Variants in BICC1 observed in about 807,000 individuals in gnomAD.
BICC1 encodes BicC family RNA binding protein 1.
In BICC1, 43 loss-of-function variants were observed where a neutral mutation model predicts 111.0. That is an observed-to-expected ratio of 0.39 (90% confidence interval 0.30 to 0.50). BICC1 has a LOEUF of 0.50. Ranked by LOEUF, BICC1 falls within the 20% of genes least tolerant of loss-of-function variation. The probability of loss-of-function intolerance (pLI) is 0.88; values close to 1 mark genes in which losing one functional copy is unlikely to be tolerated. For synonymous variants in BICC1, 467 were observed against 434.4 expected, an observed-to-expected ratio of 1.07 and a Z score of -0.93; for missense variants, 1,091 against 1,203.2, an observed-to-expected ratio of 0.91 and a Z score of 1.38.
intron 15 of BICC1, among the ~76,000 whole-genome samples, chr10:58,804,913 TG>T (rs1397000319): frequency 6.6e-6 from 1 of 152,246 alleles, no homozygotes; most frequent in Non-Finnish European, 1.5e-5. Flanking sequence ...TGATTGCTCT[TG>T]GAGTGCTATA....
rs191904160 is a variant in BICC1 at position 58,750,168 on chromosome 10, G to A, written c.308-34833G>A. 1.3e-4 allele frequency among the ~76,000 whole-genome samples: 20 copies of A among 152,240 alleles called. No individual in the cohort carries two copies. The East Asian group carries it at 2.7e-3, about 21-fold the overall frequency. On this transcript the variant is annotated intron_variant, in intron 3 of 20. Coordinates refer to ENST00000373886, the MANE Select transcript of BICC1 (RefSeq NM_001080512.3). ...GTCAATGTTCAGGGCATTGTGAATA[G>A]TTTATTGCTCACAGCAGGAGTAGAA...
At position 58,652,644 on chromosome 10, in the gene BICC1, C is replaced by G. The variant is rs557731890; in HGVS notation, c.237+31743C>G. Among the ~76,000 whole-genome samples, 9 of 151,972 alleles carry G rather than the reference C, an allele frequency of 5.9e-5. No homozygotes were observed. The South Asian group carries it at 1.7e-3, about 28-fold the overall frequency. On this transcript the variant is annotated intron_variant, in intron 2 of 20. Transcript: ENST00000373886. ...AATTATATAATGTCTTGTTGCCTTA[C>G]CTTGGAATTAATTTTCTTTTAATTT...
At chr10:58,658,989 A>AGT (rs1838752598) in intron 2 of BICC1, among the ~76,000 whole-genome samples, 1 of 4,084 alleles carries the variant, frequency 2.4e-4, no homozygotes, top group Non-Finnish European at 5.1e-3. Context: ...CATGTGTATG[A>AGT]ATGTGTGTAT....
At chr10:58,515,334 T>A (rs1842214143) in intron 1 of BICC1, among the ~76,000 whole-genome samples, 1 of 152,166 alleles carries the variant, frequency 6.6e-6, no homozygotes, top group South Asian at 2.1e-4. Flanking sequence ...TGTGCAAACA[T>A]CATGGAGTGT....
intron 3 of BICC1, among the ~76,000 whole-genome samples, chr10:58,734,350 GTTTTAAT>G (rs2132572486): frequency 6.6e-6 from 1 of 152,316 alleles, no homozygotes; most frequent in East Asian, 1.9e-4. Flanking sequence ...TTTTTGGCAT[GTTTTAAT>G]TGTGGTCTTT....
intron 3 of BICC1, among the ~76,000 whole-genome samples, chr10:58,769,398 GTGTGTGTA>G (rs1365095521): frequency 2.0e-5 from 2 of 101,606 alleles, no homozygotes; most frequent in African/African-American, 3.0e-5. Context: ...GTGTGTGTGT[GTGTGTGTA>G]TATATATATA....
intron 1 of BICC1, among the ~76,000 whole-genome samples, chr10:58,531,339 TTGTC>T (rs369725151): frequency 2.5e-3 from 387 of 151,842 alleles, no homozygotes; most frequent in Non-Finnish European, 4.3e-3. Context: ...CCAGAAAACT[TTGTC>T]TGGTTGTGAA....
intron 3 of BICC1, among the ~76,000 whole-genome samples, chr10:58,749,944 A>G (rs1282081567): frequency 5.3e-5 from 8 of 152,172 alleles, no homozygotes; most frequent in Non-Finnish European, 1.5e-5. Context: ...CACAGACATA[A>G]TATTTGGGGA....
chr10:58,634,898 A>G (rs1837909693), intron 2 of BICC1, among the ~76,000 whole-genome samples: 1 of 152,222 alleles, frequency 6.6e-6, no homozygotes, highest in South Asian at 2.1e-4. Flanking sequence ...AAATACATTA[A>G]TTATTCATTA....
chr10:58,641,704 G>T (rs1366412074), intron 2 of BICC1, among the ~76,000 whole-genome samples: 2 of 152,140 alleles, frequency 1.3e-5, no homozygotes, highest in African/African-American at 4.8e-5. Flanking sequence ...GAATGAGTTG[G>T]CTGTGGGGTT....
At chr10:58,762,896 G>C (rs1842356182) in intron 3 of BICC1, among the ~76,000 whole-genome samples, 1 of 151,324 alleles carries the variant, frequency 6.6e-6, no homozygotes, top group Non-Finnish European at 1.5e-5. Context: ...CACAAAGGAG[G>C]CCCAGTACAT....
At chr10:58,596,859 C>T (rs1199623659) in intron 1 of BICC1, among the ~76,000 whole-genome samples, 3 of 152,118 alleles carry the variant, frequency 2.0e-5, no homozygotes, top group African/African-American at 7.2e-5. Flanking sequence ...ATGTGAAGGA[C>T]CTCTTCAAGG....
At chr10:58,641,142 CAT>C (rs1290276868) in intron 2 of BICC1, among the ~76,000 whole-genome samples, 1 of 152,178 alleles carries the variant, frequency 6.6e-6, no homozygotes. Flanking sequence ...TGTATTATTC[CAT>C]TACCTATGAT....
chr10:58,663,109 C>T (rs1407020527), intron 2 of BICC1, among the ~76,000 whole-genome samples: 1 of 140,916 alleles, frequency 7.1e-6, no homozygotes, highest in African/African-American at 2.7e-5. Flanking sequence ...CTCTGTTGCC[C>T]AGGCTGCAGT....
chr10:58,614,527 G>C (rs1286729563), intron 1 of BICC1, among the ~76,000 whole-genome samples: 1 of 152,186 alleles, frequency 6.6e-6, no homozygotes, highest in Non-Finnish European at 1.5e-5. Flanking sequence ...CTTGCCTGCT[G>C]TTTTCCCTCA....
At chr10:58,536,445 G>T (rs1390536631) in intron 1 of BICC1, among the ~76,000 whole-genome samples, 3 of 151,660 alleles carry the variant, frequency 2.0e-5, no homozygotes, top group South Asian at 2.1e-4. Context: ...ATACATGGAA[G>T]TTAATCTGTT....
At chr10:58,629,082 T>C (rs1837716236) in intron 2 of BICC1, among the ~76,000 whole-genome samples, 1 of 152,194 alleles carries the variant, frequency 6.6e-6, no homozygotes, top group African/African-American at 2.4e-5. Context: ...TGCTTTTTTC[T>C]TCTCTCTGGA....
chr10:58,576,965 C>G (rs1844130920), intron 1 of BICC1, among the ~76,000 whole-genome samples: 1 of 152,114 alleles, frequency 6.6e-6, no homozygotes, highest in Admixed American at 6.6e-5. Context: ...AGGAACAGAG[C>G]AATAGCTGGT....
At chr10:58,683,459 A>C (rs1476765017) in intron 2 of BICC1, among the ~76,000 whole-genome samples, 1 of 152,152 alleles carries the variant, frequency 6.6e-6, no homozygotes, top group Admixed American at 6.5e-5. Context: ...TGAATCTATA[A>C]ATTATCTTGG....
Sources: allele counts gnomAD v4.1 joint callset (sites outside exome capture counted in the v4.1 genomes callset), GRCh38; gene constraint gnomAD v4.1.1; transcripts MANE v1.5; gene names NCBI Gene and HGNC (gene_info 2026-07-23, HGNC 2026-07-21).